Variants in ITGAV observed in about 807,000 individuals in gnomAD.
ITGAV encodes integrin subunit alpha V.
ITGAV carries 76 observed loss-of-function variants against 143.8 expected under a neutral mutation model. The observed-to-expected ratio is 0.53, with a 90% CI of 0.44 to 0.64. ITGAV has a LOEUF of 0.64. Among genes scored for constraint, ITGAV ranks in the 30% least tolerant of loss-of-function variants. ITGAV has a pLI of 0.00. For missense variants in ITGAV, 1,193 were observed against 1,274.7 expected (o/e 0.94, Z 0.98); for synonymous variants, 453 against 446.7 (o/e 1.01, Z -0.18).
chr2:186,679,601 C>T lies in ITGAV; in HGVS notation c.*2309C>T, dbSNP rs200453005. The T allele has an allele frequency of 6.6e-6, 1 of 151,472 alleles. No individual in the cohort carries two copies. Among genetic ancestry groups the T allele is most frequent in the Non-Finnish European group, 1.5e-5 (1 of 67,776 alleles). 9.4% of individuals were successfully genotyped at this position (151,472 alleles called of 1,614,324 possible). ...TTTGTGATTTATTGAGAATAAAAATCCATTTTGAAATGTAAAATTTTTATG... is the reference window on the plus strand; with the variant it reads ...TTTGTGATTTATTGAGAATAAAAATTCATTTTGAAATGTAAAATTTTTATG... On this transcript the variant is annotated 3_prime_UTR_variant, in exon 30 of 30. Coordinates refer to ENST00000261023, the MANE Select transcript of ITGAV (RefSeq NM_002210.5).
chr2:186,672,418 T>G (rs1407728845), intron 26 of ITGAV, among the ~76,000 whole-genome samples: 1 of 152,202 alleles, frequency 6.6e-6, no homozygotes, highest in Non-Finnish European at 1.5e-5. Context: ...GTTTTTCAGT[T>G]TTATTGAGAA....
chr2:186,639,783 G>C (rs1688051474), intron 10 of ITGAV, among the ~76,000 whole-genome samples: 1 of 152,178 alleles, frequency 6.6e-6, no homozygotes, highest in East Asian at 1.9e-4. Flanking sequence ...GAAAACATTC[G>C]AATCATAGTG....
intron 2 of ITGAV, among the ~76,000 whole-genome samples, chr2:186,607,891 G>A (rs767000453): frequency 6.6e-6 from 1 of 152,140 alleles, no homozygotes; most frequent in Non-Finnish European, 1.5e-5. Flanking sequence ...AATAGACTAA[G>A]TACCTGATAG....
chr2:186,603,701 T>G (rs1686977187), intron 2 of ITGAV, among the ~76,000 whole-genome samples: 1 of 152,216 alleles, frequency 6.6e-6, no homozygotes, highest in Non-Finnish European at 1.5e-5. Flanking sequence ...GTTTCTGTAC[T>G]TAACACTGTA....
intron 2 of ITGAV, among the ~76,000 whole-genome samples, chr2:186,608,641 T>A (rs1687132596): frequency 6.6e-6 from 1 of 152,072 alleles, no homozygotes; most frequent in African/African-American, 2.4e-5. Flanking sequence ...CTTACTGATG[T>A]TATAGTATGT....
intron 1 of ITGAV, among the ~76,000 whole-genome samples, chr2:186,598,211 G>A (rs1244988672): frequency 6.6e-6 from 1 of 151,520 alleles, no homozygotes; most frequent in Non-Finnish European, 1.5e-5. Flanking sequence ...TGATGAAAAG[G>A]GGTAGTTGTG....
At chr2:186,639,084 T>C (rs1483508799) in intron 10 of ITGAV, among the ~76,000 whole-genome samples, 1 of 152,146 alleles carries the variant, frequency 6.6e-6, no homozygotes, top group Non-Finnish European at 1.5e-5. Flanking sequence ...ATAGATATTA[T>C]AAGCGAACTT....
Position 186,625,604 on chromosome 2 carries a change from G to T in ITGAV, c.523+17G>T. On this transcript the variant is annotated intron_variant, in intron 4 of 29. Transcript: ENST00000261023. ...GTAGATCACGTATGTATAGGATATT[G>T]TACCAGCTTTTAAGAAGAGGGGTGG... is the stretch of plus-strand genomic sequence containing the variant. 1 of 1,554,248 alleles carries T rather than the reference G, an allele frequency of 6.4e-7. No individual in the cohort carries two copies. The highest frequency in any genetic ancestry group is 8.8e-7 in the Non-Finnish European group (1 of 1,131,036).
At chr2:186,645,255 A>G (rs1688223531) in intron 12 of ITGAV, among the ~76,000 whole-genome samples, 1 of 152,148 alleles carries the variant, frequency 6.6e-6, no homozygotes, top group Admixed American at 6.5e-5. Context: ...GTGGCTAGGG[A>G]ATAGCTTGCT....
rs142854824 is a variant in ITGAV, at chr2:186,626,035, A to G, written c.523+448A>G. The stretch of plus-strand genomic sequence containing the variant: ...CAAAGTTTGAGAACTCCTGCTTTAT[A>G]TTAATAATGATGTTGAAAATAAAGA... On this transcript the variant is annotated intron_variant, in intron 4 of 29. Transcript: ENST00000261023. 2.9e-3 allele frequency among the ~76,000 whole-genome samples: 436 copies of G among 152,294 alleles called. 2 individuals carry two copies. Among genetic ancestry groups the G allele is most frequent in the African/African-American group, 0.01 (420 of 41,550 alleles).
Position 186,677,358 on chromosome 2 carries a change from C to CT in ITGAV, c.*69dup. On this transcript the variant is annotated 3_prime_UTR_variant, in exon 30 of 30. Transcript: ENST00000261023. ...TTAGCAACTTTATTATAGATTTAAA[C>CT]TTTCTTCATGAGGAGTAAAAATCCA... The CT allele has an allele frequency of 1.6e-6, 2 of 1,240,418 alleles. No individual in the cohort carries two copies. Among genetic ancestry groups the CT allele is most frequent in the South Asian group, 2.6e-5 (2 of 76,880 alleles). 76.8% of individuals were successfully genotyped at this position (1,240,418 alleles called of 1,614,324 possible).
At chr2:186,601,145 T>TTTACC (rs1247760095) in intron 1 of ITGAV, among the ~76,000 whole-genome samples, 1 of 152,068 alleles carries the variant, frequency 6.6e-6, no homozygotes, top group African/African-American at 2.4e-5. Context: ...TTTGGTTTAT[T>TTTACC]TTACCTTAAT....
At chr2:186,598,989 A>G (rs924518760) in intron 1 of ITGAV, among the ~76,000 whole-genome samples, 1 of 152,200 alleles carries the variant, frequency 6.6e-6, no homozygotes, top group African/African-American at 2.4e-5. Context: ...TCTACTGTAG[A>G]TGAGATTTGG....
intron 12 of ITGAV, among the ~76,000 whole-genome samples, chr2:186,642,729 C>T (rs182286846): frequency 6.6e-6 from 1 of 151,686 alleles, no homozygotes; most frequent in Non-Finnish European, 1.5e-5. Flanking sequence ...GAGGTCTTCC[C>T]ATGTTACCCA....
intron 12 of ITGAV, among the ~76,000 whole-genome samples, chr2:186,642,040 AC>A (rs1022906364): frequency 5.8e-4 from 88 of 152,306 alleles, no homozygotes; most frequent in Non-Finnish European, 7.4e-5. Context: ...TAAAGCCATA[AC>A]TTTGTTGTAG....
At position 186,653,882 on chromosome 2, in the gene ITGAV, TTTTA is replaced by T. The variant is rs1409741407; in HGVS notation, c.1506-757_1506-754del. Reference sequence around the variant, plus strand: ...TACTTACCTTTGATACCTAAATCAGTTTTATTTATTTATTAAAAAATTTTTCTTA... The same window carrying T: ...TACTTACCTTTGATACCTAAATCAGTTTTATTTATTAAAAAATTTTTCTTA... On this transcript the variant is annotated intron_variant, in intron 15 of 29. Transcript: ENST00000261023. Among the ~76,000 whole-genome samples, 175 of 152,286 alleles carry T rather than the reference TTTTA, an allele frequency of 1.1e-3. 1 individual carries two copies. Among genetic ancestry groups the T allele is most frequent in the African/African-American group, 3.8e-3 (160 of 41,572 alleles).
chr2:186,608,689 G>A (rs773419705), intron 2 of ITGAV, among the ~76,000 whole-genome samples: 5 of 151,994 alleles, frequency 3.3e-5, no homozygotes, highest in Non-Finnish European at 5.9e-5. Flanking sequence ...TCTAAAGGCA[G>A]GGAACACATT....
At position 186,641,486 on chromosome 2, in the gene ITGAV, T is replaced by A; in HGVS notation, c.1057T>A (p.Ser353Thr). 6.2e-7 allele frequency: 1 copy of A among 1,614,164 alleles called. No individual in the cohort carries two copies. Residue 353 changes from serine (S) to threonine (T), a missense_variant, in exon 12 of 30, where the codon TCA becomes ACA. Physicochemically the swap from Ser to Thr is moderately conservative, Grantham distance 58 (BLOSUM62 1). Transcript: ENST00000261023. ...GQVSVSLQRA[S>T]GDFQTTKLNG... is the part of the protein sequence containing the mutation. Reference sequence around the variant, plus strand: ...GGTCTCAGTGTCTCTACAGAGAGCTTCAGGAGACTTCCAGACGACAAAGCT... The same window carrying A: ...GGTCTCAGTGTCTCTACAGAGAGCTACAGGAGACTTCCAGACGACAAAGCT...
chr2:186,609,861 A>G (rs1399232325), intron 2 of ITGAV, among the ~76,000 whole-genome samples: 1 of 152,088 alleles, frequency 6.6e-6, no homozygotes, highest in African/African-American at 2.4e-5. Flanking sequence ...TGTTGAGGGC[A>G]CGATGAGGAA....
Sources: allele counts gnomAD v4.1 joint callset (sites outside exome capture counted in the v4.1 genomes callset), GRCh38; gene constraint gnomAD v4.1.1; transcripts MANE v1.5; gene names NCBI Gene and HGNC (gene_info 2026-07-23, HGNC 2026-07-21).